DEPDC5: variants seen among roughly 807,000 people sequenced by gnomAD.
DEPDC5 encodes the protein DEP domain containing 5, GATOR1 subcomplex subunit.
In DEPDC5, 73 loss-of-function variants were observed where a neutral mutation model predicts 217.3. The ratio of observed to expected loss-of-function variants is 0.34; its 90% CI spans 0.28 to 0.41. The LOEUF is 0.41. Ranked by LOEUF, DEPDC5 falls within the 10% of genes least tolerant of loss-of-function variation. DEPDC5 has a pLI of 1.00. For synonymous variants in DEPDC5, 733 were observed against 756.7 expected (o/e 0.97, Z 0.51); for missense variants, 1,675 against 2,070.1 (o/e 0.81, Z 3.70).
In DEPDC5 at chr22:31,768,826, G is replaced by A. The variant is rs1008310202; in HGVS notation, c.376G>A (p.Ala126Thr). 4.3e-6 allele frequency: 7 copies of A among 1,612,302 alleles called. No homozygotes were observed. Among genetic ancestry groups the A allele is most frequent in the Non-Finnish European group, 5.9e-6 (7 of 1,179,230 alleles). ...RLKKSLVSTC[A>T]YITQKVEFAG... The stretch of plus-strand genomic sequence containing the variant: ...CCCCTCCTCTTAGGTCAGCACATGT[G>A]CCTATATCACCCAGAAGGTGGAGTT... The change falls in exon 7 of 43, where the codon GCC becomes ACC. Residue 126 changes from alanine (A) to threonine (T), a missense_variant. Coordinates refer to ENST00000651528, the MANE Select transcript of DEPDC5 (RefSeq NM_001242896.3).
chr22:31,821,396 C>T, intron 22 of DEPDC5, 106 bp from the exon 23 acceptor site: 1 of 1,472,142 alleles, frequency 6.8e-7, no homozygotes, highest in Non-Finnish European at 9.4e-7. Context: ...CTTTCAATCT[C>T]ACCAACATCT....
chr22:31,804,379 A>G (rs919113488), intron 16 of DEPDC5, among the ~76,000 whole-genome samples, 156 bp downstream of exon 16: 1 of 152,144 alleles, frequency 6.6e-6, no homozygotes. Flanking sequence ...ATAGTTTGCT[A>G]TGAACATGCC....
At chr22:31,865,136 T>C (rs551890890) in intron 33 of DEPDC5, among the ~76,000 whole-genome samples, 1 of 152,200 alleles carries the variant, frequency 6.6e-6, no homozygotes, top group African/African-American at 2.4e-5. Context: ...GTATTTTTTT[T>C]ATCTTATTGT....
Position 31,768,793 on chromosome 22 carries a change from CCT to C in DEPDC5, c.364-15_364-14del. 3 of 1,607,444 alleles carry C rather than the reference CCT, an allele frequency of 1.9e-6. No homozygotes were observed. The highest frequency in any genetic ancestry group is 2.6e-6 in the Non-Finnish European group (3 of 1,175,056). ...CTCTCCCTCCCTCCCTCTCTCTACC[CCT>C]CTCTCCCCCTCCTCTTAGGTCAGCA... On this transcript the variant is annotated intron_variant, in intron 6 of 42. Transcript: ENST00000651528.
intron 18 of DEPDC5, among the ~76,000 whole-genome samples, 170 bp downstream of exon 18, chr22:31,806,361 T>C (rs1421050168): frequency 6.6e-6 from 1 of 152,182 alleles, no homozygotes; most frequent in Non-Finnish European, 1.5e-5. Context: ...CAGAGAGCCT[T>C]TGTGGACTAT....
chr22:31,831,954 A>G (rs1358629266), intron 24 of DEPDC5, among the ~76,000 whole-genome samples: 1 of 152,194 alleles, frequency 6.6e-6, no homozygotes, highest in East Asian at 1.9e-4. Flanking sequence ...TTCTCTGGCA[A>G]CCACTCATCT....
chr22:31,802,783 C>T lies in DEPDC5; in HGVS notation c.1026C>T (p.Val342=). 6.2e-7 allele frequency: 1 copy of T among 1,606,196 alleles called. No individual in the cohort carries two copies. The highest frequency in any genetic ancestry group is 8.5e-7 in the Non-Finnish European group (1 of 1,176,752). ...TGGTGATCACGCCCGGGGTGGGTGT[C>T]TTTGAAGTGGACCGCCTACTCATGA... The part of the protein sequence containing the change: ...MSVVITPGVG[V]FEVDRLLMIL... Residue 342 remains valine, a synonymous_variant, in exon 15 of 43, where the codon GTC becomes GTT. Coordinates refer to ENST00000651528, the MANE Select transcript of DEPDC5 (RefSeq NM_001242896.3).
chr22:31,817,230 C>T (rs940420795), intron 21 of DEPDC5: 5 of 164,844 alleles, frequency 3.0e-5, no homozygotes, highest in African/African-American at 1.2e-4. Context: ...TTGCCTCAGC[C>T]TCCCGAGTAG....
In DEPDC5 at chr22:31,762,171, T is replaced by C. The variant is rs117464176; in HGVS notation, c.193+1469T>C. Among the ~76,000 whole-genome samples the C allele has an allele frequency of 4.1e-4, 63 of 152,160 alleles. No homozygotes were observed. The East Asian group carries it at 0.011, about 26-fold the overall frequency. ...AGTAGGGATTGGGGAGGAAGAAATA[T>C]ATATTGATGATCGCCCACCACATTG... On this transcript the variant is annotated intron_variant, in intron 4 of 42. Transcript: ENST00000651528.
chr22:31,844,326 C>T (rs1170969642), intron 29 of DEPDC5, among the ~76,000 whole-genome samples: 1 of 152,120 alleles, frequency 6.6e-6, no homozygotes, highest in Non-Finnish European at 1.5e-5. Context: ...CCCAGGAGGT[C>T]GTGGCTACAG....
intron 34 of DEPDC5, among the ~76,000 whole-genome samples, chr22:31,872,003 C>T (rs2092858000): frequency 6.6e-6 from 1 of 152,202 alleles, no homozygotes; most frequent in Non-Finnish European, 1.5e-5. Flanking sequence ...AAAACTTTTT[C>T]TAACCCTGAA....
intron 2 of DEPDC5, 68 bp from the exon 3 acceptor site, chr22:31,758,478 C>T: frequency 7.0e-7 from 1 of 1,418,704 alleles, no homozygotes; most frequent in South Asian, 1.2e-5. Context: ...TTGTGAGGAA[C>T]CAGTATGAGA....
rs767747105 is a variant in DEPDC5, at chr22:31,806,151, G to A, written c.1247G>A (p.Cys416Tyr). Residue 416 changes from cysteine (C) to tyrosine (Y), a missense_variant, in exon 18 of 43, where the codon TGT becomes TAT. Around this residue, in one of 11 missense-constraint regions of DEPDC5, gnomAD observed 628 missense variants for 762.1 expected, o/e 0.82. Transcript: ENST00000651528. ...TACACATCCAAAAGCCAGCTCTTTTGTAATAGTTTCACCCCACGAATAAAA... is the reference window on the plus strand; with the variant it reads ...TACACATCCAAAAGCCAGCTCTTTTATAATAGTTTCACCCCACGAATAAAA... Reference protein sequence around the residue: ...SFYTSKSQLFCNSFTPRIKLA... With the variant: ...SFYTSKSQLFYNSFTPRIKLA... The A allele has an allele frequency of 1.2e-6, 2 of 1,613,944 alleles. No homozygotes were observed. Among genetic ancestry groups the A allele is most frequent in the African/African-American group, 1.3e-5 (1 of 75,030 alleles).
intron 20 of DEPDC5, chr22:31,814,290 A>G (rs2148750766): frequency 6.6e-6 from 1 of 152,372 alleles, no homozygotes; most frequent in African/African-American, 2.4e-5. Context: ...TTCAACAAAT[A>G]AGAACTAAAA....
chr22:31,845,265 C>A lies in DEPDC5; in HGVS notation c.3021+28C>A, dbSNP rs1236642105. 5 of 1,598,612 alleles carry A rather than the reference C, an allele frequency of 3.1e-6. No individual in the cohort carries two copies. The African/African-American group carries it at 6.7e-5, about 21-fold the overall frequency. ...AAGGGCTCCTTAGACTCAGGGAGTG[C>A]GCCTGGTGTGAGATGCAGGGCCTGC... On this transcript the variant is annotated intron_variant, in intron 30 of 42. Transcript: ENST00000651528.
chr22:31,872,686 T>C (rs924224742), intron 34 of DEPDC5, among the ~76,000 whole-genome samples: 4 of 152,232 alleles, frequency 2.6e-5, no homozygotes, highest in Non-Finnish European at 5.9e-5. Context: ...AGATGCTTAC[T>C]AAGGGCAAGT....
chr22:31,790,539 A>G (rs1187620661), intron 10 of DEPDC5, among the ~76,000 whole-genome samples: 1 of 152,144 alleles, frequency 6.6e-6, no homozygotes, highest in African/African-American at 2.4e-5. Context: ...CTATGAGACT[A>G]GTAGGGTGTG....
At chr22:31,754,457 C>T (rs868748158) in intron 1 of DEPDC5, among the ~76,000 whole-genome samples, 9 of 152,262 alleles carry the variant, frequency 5.9e-5, no homozygotes, top group African/African-American at 1.9e-4. Context: ...TCTTAAGTCT[C>T]GAGTGACCTT....
intron 17 of DEPDC5, 39 bp from the exon 18 acceptor site, chr22:31,806,083 G>T: frequency 6.4e-7 from 1 of 1,568,488 alleles, no homozygotes; most frequent in South Asian, 1.1e-5. Flanking sequence ...TTAAAATAAA[G>T]GGAATTTAGA....
Sources: allele counts gnomAD v4.1 joint callset (sites outside exome capture counted in the v4.1 genomes callset), GRCh38; gene constraint gnomAD v4.1.1; regional missense constraint gnomAD v4.1.1; transcripts MANE v1.5; gene names NCBI Gene and HGNC (gene_info 2026-07-23, HGNC 2026-07-21).